CAMK4: variants seen among roughly 807,000 people sequenced by gnomAD.
The protein encoded by CAMK4 is calcium/calmodulin-dependent protein kinase type IV.
In CAMK4, 22 loss-of-function variants were observed where a neutral mutation model predicts 44.9. The ratio of observed to expected loss-of-function variants is 0.49; its 90% CI spans 0.35 to 0.70. CAMK4 has a LOEUF of 0.70. Among genes scored for constraint, CAMK4 ranks in the 30% least tolerant of loss-of-function variants. The probability of loss-of-function intolerance (pLI) is 0.01; values close to 1 mark genes in which losing one functional copy is unlikely to be tolerated. For synonymous variants in CAMK4, 218 were observed against 215.4 expected, an observed-to-expected ratio of 1.01 and a Z score of -0.11; for missense variants, 498 against 586.8, an observed-to-expected ratio of 0.85 and a Z score of 1.56.
intron 1 of CAMK4, among the ~76,000 whole-genome samples, chr5:111,247,250 C>T (rs1749281133): frequency 1.3e-5 from 2 of 149,592 alleles, no homozygotes; most frequent in Non-Finnish European, 3.0e-5. Flanking sequence ...CATACACACA[C>T]ATTGATTCAT....
intron 5 of CAMK4, among the ~76,000 whole-genome samples, chr5:111,432,875 A>G (rs1450120260): frequency 1.3e-5 from 2 of 152,012 alleles, no homozygotes; most frequent in Non-Finnish European, 2.9e-5. Flanking sequence ...AACCTACTAA[A>G]TACCATGTCC....
intron 5 of CAMK4, among the ~76,000 whole-genome samples, chr5:111,414,323 A>T (rs1040861283): frequency 4.6e-5 from 7 of 152,192 alleles, no homozygotes; most frequent in Non-Finnish European, 1.0e-4. Flanking sequence ...AAACCTAGAA[A>T]TGTATCACTT....
At chr5:111,381,463 T>C (rs1751412510) in intron 4 of CAMK4, among the ~76,000 whole-genome samples, 1 of 152,116 alleles carries the variant, frequency 6.6e-6, no homozygotes, top group South Asian at 2.1e-4. Context: ...GCTGAAGAAC[T>C]TGGAGTCTGA....
chr5:111,470,262 T>C (rs1755016918), intron 7 of CAMK4, among the ~76,000 whole-genome samples: 1 of 152,238 alleles, frequency 6.6e-6, no homozygotes. Flanking sequence ...TGAATGATGG[T>C]AGTTCGTATC....
intron 1 of CAMK4, among the ~76,000 whole-genome samples, chr5:111,252,867 A>G (rs950549640): frequency 1.3e-5 from 2 of 152,326 alleles, no homozygotes; most frequent in Non-Finnish European, 2.9e-5. Flanking sequence ...GACTAGAAAA[A>G]TAATTCTAGT....
chr5:111,428,263 G>C (rs1407267929), intron 5 of CAMK4, among the ~76,000 whole-genome samples: 1 of 152,200 alleles, frequency 6.6e-6, no homozygotes. Context: ...AAGAAGAACA[G>C]CTACAAATAA....
At chr5:111,385,127 G>A (rs1751552799) in intron 4 of CAMK4, among the ~76,000 whole-genome samples, 1 of 151,902 alleles carries the variant, frequency 6.6e-6, no homozygotes, top group South Asian at 2.1e-4. Flanking sequence ...TTTTTAATGA[G>A]GGCTAGGAAA....
At chr5:111,390,376 G>C (rs781652982) in intron 4 of CAMK4, among the ~76,000 whole-genome samples, 1 of 151,936 alleles carries the variant, frequency 6.6e-6, no homozygotes, top group African/African-American at 2.4e-5. Context: ...TTGTTCTGCT[G>C]CTTCTCACCC....
chr5:111,340,530 A>G (rs1749596494), intron 1 of CAMK4, among the ~76,000 whole-genome samples: 1 of 151,184 alleles, frequency 6.6e-6, no homozygotes, highest in South Asian at 2.1e-4. Context: ...ACTGATTTGA[A>G]TATGTTTACT....
At chr5:111,422,659 C>T (rs1023600629) in intron 5 of CAMK4, among the ~76,000 whole-genome samples, 1 of 152,180 alleles carries the variant, frequency 6.6e-6, no homozygotes, top group Non-Finnish European at 1.5e-5. Context: ...CTTCCTGGCC[C>T]ATTTCTTAAT....
At chr5:111,478,597 A>G in intron 9 of CAMK4, 90 bp downstream of exon 9, 2 of 533,976 alleles carry the variant, frequency 3.7e-6, no homozygotes, top group South Asian at 3.6e-5. Context: ...AATTTTACCC[A>G]TATTAATGCC....
At chr5:111,278,427 GTCAC>G (rs1261200266) in intron 1 of CAMK4, among the ~76,000 whole-genome samples, 2 of 152,064 alleles carry the variant, frequency 1.3e-5, no homozygotes, top group Admixed American at 6.6e-5. Context: ...TTTGGGAAAA[GTCAC>G]TCACAATTAT....
intron 2 of CAMK4, among the ~76,000 whole-genome samples, chr5:111,349,804 A>G (rs540654892): frequency 6.6e-6 from 1 of 152,114 alleles, no homozygotes; most frequent in Non-Finnish European, 1.5e-5. Context: ...ATTATGCTCC[A>G]CCAATAATTT....
At chr5:111,382,655 A>G (rs563077897) in intron 4 of CAMK4, among the ~76,000 whole-genome samples, 193 of 152,318 alleles carry the variant, frequency 1.3e-3, no homozygotes, top group African/African-American at 4.5e-3. Flanking sequence ...TTTGATATAT[A>G]CATTTTATAG....
intron 7 of CAMK4, among the ~76,000 whole-genome samples, chr5:111,459,993 C>T (rs1274129694): frequency 6.6e-5 from 10 of 151,970 alleles, no homozygotes. Flanking sequence ...GAGGATTCAA[C>T]TCTATTATTA....
chr5:111,456,187 G>T (rs1754406257), intron 7 of CAMK4, among the ~76,000 whole-genome samples: 1 of 151,852 alleles, frequency 6.6e-6, no homozygotes, highest in African/African-American at 2.4e-5. Flanking sequence ...CTTTAGTTTA[G>T]AAATAAAAAC....
intron 1 of CAMK4, among the ~76,000 whole-genome samples, chr5:111,311,588 G>C (rs1466901360): frequency 1.3e-5 from 2 of 152,186 alleles, no homozygotes; most frequent in Non-Finnish European, 2.9e-5. Context: ...GCTGTCCAGA[G>C]CTGGCCTCAC....
chr5:111,387,689 T>C (rs1354379114), intron 4 of CAMK4, among the ~76,000 whole-genome samples: 2 of 152,284 alleles, frequency 1.3e-5, no homozygotes, highest in East Asian at 3.9e-4. Flanking sequence ...TGACGTCCAT[T>C]CACTTGGCAA....
At chr5:111,299,189 A>G (rs1747616786) in intron 1 of CAMK4, among the ~76,000 whole-genome samples, 1 of 152,266 alleles carries the variant, frequency 6.6e-6, no homozygotes, top group African/African-American at 2.4e-5. Context: ...GCACAGCATG[A>G]CTTAGCAGGT....
Sources: allele counts gnomAD v4.1 joint callset (sites outside exome capture counted in the v4.1 genomes callset), GRCh38; gene constraint gnomAD v4.1.1; transcripts MANE v1.5; gene names NCBI Gene and HGNC (gene_info 2026-07-23, HGNC 2026-07-21).